The following PPP6R2 variants were observed in gnomAD, a reference collection of about 807,000 sequenced individuals.
PPP6R2 encodes serine/threonine-protein phosphatase 6 regulatory subunit 2.
Under a neutral mutation model 100.2 loss-of-function variants are expected in PPP6R2, and 62 were observed. The observed-to-expected ratio is 0.62, with a 90% CI of 0.50 to 0.76. PPP6R2 has a LOEUF of 0.76. PPP6R2 is among the 30% of genes least tolerant of loss of function. The probability of loss-of-function intolerance (pLI) is 0.00; values close to 1 mark genes in which losing one functional copy is unlikely to be tolerated. For missense variants in PPP6R2, 1,142 were observed against 1,276.3 expected, an observed-to-expected ratio of 0.89 and a Z score of 1.60; for synonymous variants, 525 against 514.7, an observed-to-expected ratio of 1.02 and a Z score of -0.27.
chr22:50,364,659 TA>T (rs1232950056), intron 1 of PPP6R2, among the ~76,000 whole-genome samples: 1 of 152,174 alleles, frequency 6.6e-6, no homozygotes, highest in Non-Finnish European at 1.5e-5. Context: ...GGTCTTCAGA[TA>T]GGAAGATCAG....
At chr22:50,427,394 C>G (rs1397406434) in intron 10 of PPP6R2, among the ~76,000 whole-genome samples, 1 of 152,104 alleles carries the variant, frequency 6.6e-6, no homozygotes, top group African/African-American at 2.4e-5. Context: ...CCGTGAGATT[C>G]TGTATGAATT....
chr22:50,414,238 T>TATTGG (rs2060170184), intron 4 of PPP6R2, among the ~76,000 whole-genome samples: 1 of 149,332 alleles, frequency 6.7e-6, no homozygotes. Flanking sequence ...AACCAGTAGG[T>TATTGG]ATTGGATGGC....
chr22:50,348,914 G>C, intron 1 of PPP6R2, among the ~76,000 whole-genome samples: 1 of 152,138 alleles, frequency 6.6e-6, no homozygotes, highest in Middle Eastern at 3.4e-3. Flanking sequence ...AAGCAGGGCC[G>C]GGCGCAGTGG....
rs201985147 is a variant in PPP6R2, at chr22:50,443,888, C to A, written c.2602C>A (p.Leu868Met). The A allele has an allele frequency of 6.6e-5, 104 of 1,584,532 alleles. No individual in the cohort carries two copies. The African/African-American group carries it at 1.2e-3, about 18-fold the overall frequency. Residue 868 changes from leucine (L) to methionine (M), a missense_variant, in exon 23 of 24, where the codon CTG becomes ATG. Physicochemically the swap from Leu to Met is conservative, Grantham distance 15. Coordinates refer to ENST00000612753, the MANE Select transcript of PPP6R2 (RefSeq NM_001242898.2). ...CAGGGTCGGGTGTGCTGACAGCCGG[C>A]TGTTAAGCCCTGCCTGCCCCGCGCC... ...VGRVGCADSR[L>M]LSPACPAPKE...
upstream of PPP6R2, among the ~76,000 whole-genome samples, chr22:50,340,587 GGT>G (rs1325503574): frequency 2.4e-5 from 3 of 127,408 alleles, no homozygotes; most frequent in East Asian, 2.1e-4. Flanking sequence ...TGTGGTGTGT[GGT>G]GTGTGTGTGT....
Position 50,406,893 on chromosome 22 carries a change from C to G in PPP6R2, c.414+18C>G, listed in dbSNP as rs775531335. The G allele has an allele frequency of 6.2e-7, 1 of 1,605,970 alleles. No homozygotes were observed. ...CCGAACAGGTAAATCACGTGCAAAGCCTCCGTGACTTGGGGCACCGTCATG... is the reference window on the plus strand; with the variant it reads ...CCGAACAGGTAAATCACGTGCAAAGGCTCCGTGACTTGGGGCACCGTCATG... On this transcript the variant is annotated intron_variant, in intron 4 of 23. Coordinates refer to ENST00000612753, the MANE Select transcript of PPP6R2 (RefSeq NM_001242898.2).
chr22:50,406,662 T>C, intron 3 of PPP6R2, 27 bp from the exon 4 acceptor site: 1 of 1,597,280 alleles, frequency 6.3e-7, no homozygotes, highest in Non-Finnish European at 8.6e-7. Flanking sequence ...TAATTTCACC[T>C]CCAGTGCTTG....
chr22:50,336,539 C>T, the PPP6R2 span, among the ~76,000 whole-genome samples: 2 of 152,068 alleles, frequency 1.3e-5, no homozygotes. Context: ...CCATGCCCAG[C>T]TAATTTTTGT....
chr22:50,443,656 G>C (rs1569502966), intron 22 of PPP6R2: 2 of 639,682 alleles, frequency 3.1e-6, no homozygotes, highest in East Asian at 5.5e-5. Context: ...TCAATGGACA[G>C]GCAGCTTGTC....
intron 11 of PPP6R2, among the ~76,000 whole-genome samples, 188 bp from the exon 12 acceptor site, chr22:50,432,077 G>A (rs1254352619): frequency 1.3e-5 from 2 of 152,162 alleles, no homozygotes; most frequent in African/African-American, 2.4e-5. Context: ...TATGAGCCCC[G>A]AACCGCACCC....
rs146186691 is a variant in PPP6R2, at chr22:50,429,777, G to A, written c.1126-1396G>A. ...ATTTACCAGCAAAGCCATCTGGTAC[G>A]GGCTTTTTGTTGAGAGGTAGGTCTG... On this transcript the variant is annotated intron_variant, in intron 10 of 23. Transcript: ENST00000612753. Among the ~76,000 whole-genome samples, 11 of 152,258 alleles carry A rather than the reference G, an allele frequency of 7.2e-5. No individual in the cohort carries two copies. In the East Asian group the frequency reaches 1.9e-3, roughly 27 times the overall value.
chr22:50,414,645 G>A lies in PPP6R2; in HGVS notation c.508G>A (p.Val170Ile), dbSNP rs2060267015. The change falls in exon 5 of 24, where the codon GTC becomes ATC. Residue 170 changes from valine (V) to isoleucine (I), a missense_variant. Physicochemically the swap from Val to Ile is conservative, Grantham distance 29. Around this residue, in one of 2 missense-constraint regions of PPP6R2, gnomAD observed 592 missense variants for 758.9 expected, o/e 0.78. Coordinates refer to ENST00000612753, the MANE Select transcript of PPP6R2 (RefSeq NM_001242898.2). ...SALMDLLLRL[V>I]SCVEPAGLRQ... ...GCTTATGGACCTGCTGCTGCGCCTGGTCAGCTGTGTGGAGCCAGCCGGGCT... is the reference window on the plus strand; with the variant it reads ...GCTTATGGACCTGCTGCTGCGCCTGATCAGCTGTGTGGAGCCAGCCGGGCT... 1 of 1,613,384 alleles carries A rather than the reference G, an allele frequency of 6.2e-7. No individual in the cohort carries two copies. Among genetic ancestry groups the A allele is most frequent in the Admixed American group, 1.7e-5 (1 of 59,998 alleles).
rs371019746 is a variant in PPP6R2, at chr22:50,436,349, G to A, written c.1517-18G>A. On this transcript the variant is annotated intron_variant, in intron 13 of 23. Coordinates refer to ENST00000612753, the MANE Select transcript of PPP6R2 (RefSeq NM_001242898.2). ...CACGGGGTCTCCCAGGGCTCACCAG[G>A]CAGCACTTCCCTTGCAGGGCTCCCT... The A allele has an allele frequency of 3.8e-6, 6 of 1,559,464 alleles. No individual in the cohort carries two copies. The highest frequency in any genetic ancestry group is 5.2e-6 in the Non-Finnish European group (6 of 1,151,872).
At position 50,425,784 on chromosome 22, in the gene PPP6R2, T is replaced by C. The variant is rs530470976; in HGVS notation, c.1125+2170T>C. 1.3e-4 allele frequency among the ~76,000 whole-genome samples: 20 copies of C among 152,236 alleles called. 2 individuals carry two copies. Among genetic ancestry groups the C allele is most frequent in the African/African-American group, 4.6e-4 (19 of 41,530 alleles). On this transcript the variant is annotated intron_variant, in intron 10 of 23. Coordinates refer to ENST00000612753, the MANE Select transcript of PPP6R2 (RefSeq NM_001242898.2). Reference sequence around the variant, plus strand: ...CAGTGTCTCCGTGTGACAAGTGATGTCGAGCATCTTCTCGTGCTTTTTGGC... The same window carrying C: ...CAGTGTCTCCGTGTGACAAGTGATGCCGAGCATCTTCTCGTGCTTTTTGGC...
chr22:50,349,655 G>T lies in PPP6R2; in HGVS notation c.-148+6105G>T, dbSNP rs1444216334. On this transcript the variant is annotated intron_variant, in intron 1 of 23. Coordinates refer to ENST00000612753, the MANE Select transcript of PPP6R2 (RefSeq NM_001242898.2). ...AGCCTGGCCAACATGGTGAAACCCC[G>T]TCTTTACTAAAAATACAAAAAATTA... Among the ~76,000 whole-genome samples the T allele has an allele frequency of 2.6e-5, 4 of 151,852 alleles. No homozygotes were observed. In the South Asian group the frequency reaches 8.3e-4, roughly 31 times the overall value.
At chr22:50,405,513 A>G (rs1818902815) in intron 3 of PPP6R2, among the ~76,000 whole-genome samples, 1 of 131,104 alleles carries the variant, frequency 7.6e-6, no homozygotes, top group Non-Finnish European at 1.6e-5. Flanking sequence ...GAAGGCCTGG[A>G]GAGAGGTGAG....
At chr22:50,414,873 G>A (rs947722002) in intron 5 of PPP6R2, among the ~76,000 whole-genome samples, 184 bp downstream of exon 5, 6 of 152,242 alleles carry the variant, frequency 3.9e-5, no homozygotes, top group Non-Finnish European at 5.9e-5. Context: ...CCACTGTCCC[G>A]ACTTAACTCG....
chr22:50,437,959 G>A, intron 17 of PPP6R2, 59 bp downstream of exon 17: 16 of 1,564,044 alleles, frequency 1.0e-5, no homozygotes, highest in Non-Finnish European at 1.4e-5. Context: ...CTCAGGCCAT[G>A]CCCATGGCTC....
intron 1 of PPP6R2, among the ~76,000 whole-genome samples, chr22:50,354,122 T>C (rs1381483614): frequency 6.6e-6 from 1 of 151,846 alleles, no homozygotes; most frequent in African/African-American, 2.4e-5. Context: ...GTGGCCAACA[T>C]GGTGAAACCC....
Sources: gnomAD v4.1 joint callset for allele counts (sites outside exome capture counted in the v4.1 genomes callset) on GRCh38, gnomAD v4.1.1 for gene constraint, gnomAD v4.1.1 regional missense constraint, MANE v1.5 for transcripts, NCBI Gene and HGNC (gene_info 2026-07-23, HGNC 2026-07-21) for gene names.